Variants in TGIF1 observed in about 807,000 individuals in gnomAD.
TGIF1 encodes TGFB induced factor homeobox 1.
A neutral mutation model predicts 19.3 loss-of-function variants in TGIF1; 4 were observed. That is an observed-to-expected ratio of 0.21 (90% CI 0.10 to 0.47). The LOEUF (loss-of-function observed/expected upper bound fraction) is 0.47. Ranked by LOEUF, TGIF1 falls within the 20% of genes least tolerant of loss-of-function variation. The pLI is 0.98. For synonymous variants in TGIF1, 122 were observed against 129.3 expected, an observed-to-expected ratio of 0.94 and a Z score of 0.38; for missense variants, 275 against 341.4, an observed-to-expected ratio of 0.81 and a Z score of 1.53.
chr18:3,421,825 T>C (rs2082402367), intron 2 of TGIF1, among the ~76,000 whole-genome samples: 1 of 152,098 alleles, frequency 6.6e-6, no homozygotes, highest in Non-Finnish European at 1.5e-5. Flanking sequence ...GACGGCATTG[T>C]TACCATGGAA....
At chr18:3,425,321 C>T (rs115271626) in intron 2 of TGIF1, among the ~76,000 whole-genome samples, 200 of 152,296 alleles carry the variant, frequency 1.3e-3, no homozygotes, top group African/African-American at 4.4e-3. Context: ...TTATAGTTTA[C>T]GTGATGATAG....
chr18:3,456,288 A>T lies in TGIF1; in HGVS notation c.17-66A>T. On this transcript the variant is annotated intron_variant, in intron 1 of 2. Coordinates refer to ENST00000343820, the MANE Select transcript of TGIF1 (RefSeq NM_003244.4). The surrounding 1 kb of genome is among the most constrained non-coding windows in gnomAD (Gnocchi z 4.2). ...ATGGTTACATTGAATGGTCAGCGTT[A>T]AGTGAGCTTTGCAATAGTTGCTGTG... The T allele has an allele frequency of 7.0e-7, 1 of 1,425,710 alleles. No homozygotes were observed. The highest frequency in any genetic ancestry group is 9.9e-7 in the Non-Finnish European group (1 of 1,009,668). 88.3% of individuals were successfully genotyped at this position (1,425,710 alleles called of 1,614,324 possible).
In TGIF1 at chr18:3,458,500, G is replaced by C. The variant is rs563864981; in HGVS notation, c.*560G>C. On this transcript the variant is annotated 3_prime_UTR_variant, in exon 3 of 3. Transcript: ENST00000343820. Reference sequence around the variant, plus strand: ...ACCCCAGTGAGCAGGAAGCTGGGGGGGTAGGGTGCAGTGTTAGGGGGTGTC... The same window carrying C: ...ACCCCAGTGAGCAGGAAGCTGGGGGCGTAGGGTGCAGTGTTAGGGGGTGTC... The C allele has an allele frequency of 2.5e-5, 4 of 162,182 alleles. No homozygotes were observed. Among genetic ancestry groups the C allele is most frequent in the South Asian group, 1.7e-4 (1 of 5,992 alleles). 10.0% of individuals were successfully genotyped at this position (162,182 alleles called of 1,614,324 possible).
rs1335934989 is a variant in TGIF1 at position 3,451,314 on chromosome 18, G to T, written c.16+809G>T. ...GGAAGCTTTACAACTAAAACTTGCC[G>T]TCAGTTTGGTTTAAAAACAAAATAC... On this transcript the variant is annotated intron_variant, in intron 1 of 2. Coordinates refer to ENST00000343820, the MANE Select transcript of TGIF1 (RefSeq NM_003244.4). This position sits in a 1 kb window ranked among gnomAD's most constrained non-coding sequence, Gnocchi z 5.4. 1.0e-6 allele frequency: 1 copy of T among 974,552 alleles called. No homozygotes were observed. The highest frequency in any genetic ancestry group is 1.2e-6 in the Non-Finnish European group (1 of 820,130). 60.4% of individuals were successfully genotyped at this position (974,552 alleles called of 1,614,324 possible). A position where few individuals can be genotyped will look rare whatever the true frequency, so the allele number is the denominator to read the frequency against.
At chr18:3,447,518 TGAGGC>T, upstream of TGIF1, 2 of 625,718 alleles carry the variant, frequency 3.2e-6, no homozygotes, top group Admixed American at 2.6e-5. Flanking sequence ...CCCACTTTTT[TGAGGC>T]TGTTCCCTTT....
chr18:3,443,936 CT>C (rs953476419), intron 2 of TGIF1, among the ~76,000 whole-genome samples: 253 of 137,444 alleles, frequency 1.8e-3, no homozygotes, highest in Middle Eastern at 7.6e-3. Context: ...TGTATTCTTT[CT>C]TTTTTTTTTT....
rs1274676255 is a variant in TGIF1, at chr18:3,421,192, A to G, written c.-45+2977A>G. On this transcript the variant is annotated intron_variant, in intron 2 of 3. Transcript: ENST00000401449. ...TATTTGATGGTACTAGCACTTGATA[A>G]TAAATGACCAAGTTACCTGTTTATG... Among the ~76,000 whole-genome samples, 6 of 151,192 alleles carry G rather than the reference A, an allele frequency of 4.0e-5. No individual in the cohort carries two copies. The East Asian group carries it at 1.2e-3, about 29-fold the overall frequency.
At chr18:3,435,320 C>T (rs2082601494) in intron 2 of TGIF1, among the ~76,000 whole-genome samples, 1 of 152,036 alleles carries the variant, frequency 6.6e-6, no homozygotes, top group Non-Finnish European at 1.5e-5. Context: ...CCTCAGCCTC[C>T]CAAGTAGCTG....
upstream of TGIF1, among the ~76,000 whole-genome samples, chr18:3,445,719 G>A: frequency 2.8e-5 from 1 of 35,282 alleles, no homozygotes; most frequent in East Asian, 1.2e-3. Context: ...GCAAGACTCT[G>A]TCTCAAAAAA....
Position 3,458,966 on chromosome 18 carries a change from T to G in TGIF1, c.*1026T>G, listed in dbSNP as rs1408028441. 2.6e-5 allele frequency: 4 copies of G among 152,194 alleles called. No homozygotes were observed. In the East Asian group the frequency reaches 7.7e-4, roughly 29 times the overall value. 9.4% of individuals were successfully genotyped at this position (152,194 alleles called of 1,614,324 possible). ...GGTGGGGTTCTGTCTATGGTGGGAT[T>G]GTCAGTTTATTAGGTGAGTATTTTC... On this transcript the variant is annotated 3_prime_UTR_variant, in exon 3 of 3. Transcript: ENST00000343820.
chr18:3,430,111 G>A (rs939502266), intron 2 of TGIF1, among the ~76,000 whole-genome samples: 1 of 152,190 alleles, frequency 6.6e-6, no homozygotes, highest in Non-Finnish European at 1.5e-5. Context: ...AGCTGAGATC[G>A]CAACATTGCA....
rs2082954227 is a variant in TGIF1, at chr18:3,451,926, C to G, written c.16+1421C>G. On this transcript the variant is annotated intron_variant, in intron 1 of 2. Coordinates refer to ENST00000343820, the MANE Select transcript of TGIF1 (RefSeq NM_003244.4). This position sits in a 1 kb window ranked among gnomAD's most constrained non-coding sequence, Gnocchi z 5.4. The stretch of plus-strand genomic sequence containing the variant: ...GGACTGACAGGTCTAGAGACACGCG[C>G]TGTCTGTTGTGGTGGGCCTCCCGGG... The G allele has an allele frequency of 1.2e-5, 18 of 1,535,276 alleles. No individual in the cohort carries two copies. The highest frequency in any genetic ancestry group is 1.6e-5 in the Non-Finnish European group (18 of 1,140,822).
intron 1 of TGIF1, among the ~76,000 whole-genome samples, chr18:3,412,659 C>A (rs560869852): frequency 6.6e-6 from 1 of 152,162 alleles, no homozygotes; most frequent in African/African-American, 2.4e-5. Flanking sequence ...ATTAAGTGGG[C>A]CCCCAGGACC....
Position 3,423,150 on chromosome 18 carries a change from G to T in TGIF1, c.-45+4935G>T, listed in dbSNP as rs55727758. On this transcript the variant is annotated intron_variant, in intron 2 of 3. Transcript: ENST00000401449. ...ACCATAAGCCTAATGCATGTAGTCG[G>T]CTCTAAGTTTGTCTGAGTACACGCC... Among the ~76,000 whole-genome samples, 184 of 152,222 alleles carry T rather than the reference G, an allele frequency of 1.2e-3. 1 individual carries two copies. Among genetic ancestry groups the T allele is most frequent in the Non-Finnish European group, 2.3e-3 (157 of 68,012 alleles).
At chr18:3,430,672 T>A (rs969574631) in intron 2 of TGIF1, among the ~76,000 whole-genome samples, 1 of 116,656 alleles carries the variant, frequency 8.6e-6, no homozygotes, top group African/African-American at 3.5e-5. Context: ...ACCCGGCTAA[T>A]TTTTTTTTTT....
In TGIF1 at chr18:3,451,760, C is replaced by T; in HGVS notation, c.16+1255C>T. On this transcript the variant is annotated intron_variant, in intron 1 of 2. Transcript: ENST00000343820. The surrounding 1 kb of genome is among the most constrained non-coding windows in gnomAD (Gnocchi z 5.4). ...AAATTAAACTTGAAACTCGGATCAA[C>T]TGGCAGTCGTTGTTGGTAGAACGCC... 5.6e-6 allele frequency: 7 copies of T among 1,251,670 alleles called. No homozygotes were observed. The highest frequency in any genetic ancestry group is 7.0e-6 in the Non-Finnish European group (7 of 999,222). The allele number at this position is 1,251,670 out of a possible 1,614,324, so 77.5% of individuals were successfully genotyped here.
At chr18:3,447,278 A>G (rs2082760284), upstream of TGIF1, among the ~76,000 whole-genome samples, 1 of 151,896 alleles carries the variant, frequency 6.6e-6, no homozygotes, top group African/African-American at 2.4e-5. Context: ...CAATTTCCCA[A>G]TTCAAGTAAC....
At chr18:3,423,147 T>C (rs1315786686) in intron 2 of TGIF1, among the ~76,000 whole-genome samples, 1 of 152,164 alleles carries the variant, frequency 6.6e-6, no homozygotes, top group Non-Finnish European at 1.5e-5. Context: ...ATGCATGTAG[T>C]CGGCTCTAAG....
chr18:3,452,306 G>C (rs747833883), intron 1 of TGIF1: 2 of 1,612,760 alleles, frequency 1.2e-6, no homozygotes, highest in Non-Finnish European at 1.7e-6. Context: ...GGCCGCATCG[G>C]TGGGAACTTC....
Sources: gnomAD v4.1 joint callset for allele counts (sites outside exome capture counted in the v4.1 genomes callset) on GRCh38, gnomAD v4.1.1 for gene constraint, Gnocchi (gnomAD v3.1) non-coding constraint, MANE v1.5 for transcripts, NCBI Gene and HGNC (gene_info 2026-07-23, HGNC 2026-07-21) for gene names.